Variants in RNF212B observed in about 807,000 individuals in gnomAD.
RNF212B encodes ring finger protein 212B.
In RNF212B, 52 loss-of-function variants were observed where a neutral mutation model predicts 55.5. The ratio of observed to expected loss-of-function variants is 0.94; its 90% CI spans 0.75 to 1.18. The LOEUF (loss-of-function observed/expected upper bound fraction) is 1.18. Among genes scored for constraint, RNF212B ranks in the 50% most tolerant of loss-of-function variants. The pLI, the probability that RNF212B is intolerant of heterozygous loss-of-function variation, is 0.00. For missense variants in RNF212B, 289 were observed against 350.4 expected, an observed-to-expected ratio of 0.82 and a Z score of 1.40; for synonymous variants, 99 against 121.4, an observed-to-expected ratio of 0.82 and a Z score of 1.21.
chr14:23,223,407 G>A (rs1330872799), intron 2 of RNF212B, among the ~76,000 whole-genome samples: 3 of 151,878 alleles, frequency 2.0e-5, no homozygotes, highest in Admixed American at 1.3e-4. Context: ...TCAGGCTGGA[G>A]TGCAGTGATA....
At chr14:23,234,896 T>C (rs1010864646), upstream of RNF212B, among the ~76,000 whole-genome samples, 1 of 152,076 alleles carries the variant, frequency 6.6e-6, no homozygotes, top group African/African-American at 2.4e-5. Flanking sequence ...GGCAACACAG[T>C]GAGACCTTGT....
upstream of RNF212B, among the ~76,000 whole-genome samples, chr14:23,237,423 C>T (rs555152229): frequency 6.6e-6 from 1 of 152,308 alleles, no homozygotes; most frequent in East Asian, 1.9e-4. Context: ...AGCCACCGCC[C>T]CTGGCCAAAA....
chr14:23,219,455 C>T (rs545046872), intron 2 of RNF212B, among the ~76,000 whole-genome samples: 1 of 149,922 alleles, frequency 6.7e-6, no homozygotes, highest in South Asian at 2.1e-4. Flanking sequence ...TGAAGTGTAG[C>T]GCTCTCCTTC....
intron 2 of RNF212B, among the ~76,000 whole-genome samples, chr14:23,212,394 C>T (rs1880609520): frequency 6.6e-6 from 1 of 152,086 alleles, no homozygotes; most frequent in East Asian, 1.9e-4. Flanking sequence ...TGTTTTTACT[C>T]ACAGACGGCA....
chr14:23,200,936 A>T (rs543709209), intron 2 of RNF212B, among the ~76,000 whole-genome samples: 2 of 152,344 alleles, frequency 1.3e-5, no homozygotes, highest in South Asian at 4.1e-4. Flanking sequence ...GAAGCTCACA[A>T]ATAGTTTTCA....
intron 11 of RNF212B, among the ~76,000 whole-genome samples, chr14:23,267,187 G>A (rs898038755): frequency 1.3e-5 from 2 of 151,876 alleles, no homozygotes; most frequent in Non-Finnish European, 2.9e-5. Context: ...TCCCTGTTCT[G>A]CCCTGGCTGG....
At chr14:23,232,132 C>T (rs1882680324) in intron 2 of RNF212B, among the ~76,000 whole-genome samples, 2 of 151,756 alleles carry the variant, frequency 1.3e-5, no homozygotes, top group Admixed American at 6.6e-5. Flanking sequence ...AGCCCCTCTG[C>T]CCGGCTGCCC....
chr14:23,236,910 T>C (rs954333394), upstream of RNF212B, among the ~76,000 whole-genome samples: 2 of 150,716 alleles, frequency 1.3e-5, no homozygotes, highest in South Asian at 4.2e-4. Context: ...TTCATTGTTA[T>C]CTAGAATGCT....
rs570125468 is a variant in RNF212B, at chr14:23,222,397, A to C, written c.-1-17948A>C. 2.0e-5 allele frequency among the ~76,000 whole-genome samples: 3 copies of C among 152,276 alleles called. No individual in the cohort carries two copies. In the South Asian group the frequency reaches 6.2e-4, roughly 32 times the overall value. ...TTGGAAAATCTAGAAGAAATGGATA[A>C]ATTTTTAGACATATACAACCTACCA... On this transcript the variant is annotated intron_variant, in intron 2 of 15. Coordinates refer to the RNF212B transcript ENST00000399910.
rs943712667 is a variant in RNF212B, at chr14:23,196,299, C to T, written c.-2+2898C>T. Among the ~76,000 whole-genome samples the T allele has an allele frequency of 2.6e-5, 4 of 152,110 alleles. No individual in the cohort carries two copies. The East Asian group carries it at 5.8e-4, about 22-fold the overall frequency. On this transcript the variant is annotated intron_variant, in intron 2 of 15. Transcript: ENST00000399910. Reference sequence around the variant, plus strand: ...TTTCTGCTCTTTCTCCAGCCTGCCCCGCTCCGCCATTATCATGCCAAAATG... The same window carrying T: ...TTTCTGCTCTTTCTCCAGCCTGCCCTGCTCCGCCATTATCATGCCAAAATG...
intron 2 of RNF212B, among the ~76,000 whole-genome samples, chr14:23,217,628 C>T (rs1476273808): frequency 6.6e-6 from 1 of 152,080 alleles, no homozygotes; most frequent in African/African-American, 2.4e-5. Flanking sequence ...AGAGTCTCTG[C>T]TTGGTAATCC....
At chr14:23,221,233 GAAAAA>G (rs71119004) in intron 2 of RNF212B, among the ~76,000 whole-genome samples, 4 of 116,110 alleles carry the variant, frequency 3.4e-5, no homozygotes, top group Non-Finnish European at 7.3e-5. Flanking sequence ...CTGAAAATAG[GAAAAA>G]AAAAAAAAAA....
intron 1 of RNF212B, among the ~76,000 whole-genome samples, chr14:23,192,881 C>T (rs912154682): frequency 1.3e-5 from 2 of 151,722 alleles, no homozygotes; most frequent in East Asian, 1.9e-4. Flanking sequence ...CACCTGAGGT[C>T]GGGAGTTTGA....
chr14:23,233,511 A>G (rs1263823735), upstream of RNF212B, among the ~76,000 whole-genome samples: 2 of 145,374 alleles, frequency 1.4e-5, no homozygotes, highest in Non-Finnish European at 3.0e-5. Context: ...GGATCAGTTG[A>G]GCCCAGGAGT....
intron 4 of RNF212B, among the ~76,000 whole-genome samples, chr14:23,246,652 T>A (rs1217599244): frequency 6.6e-6 from 1 of 151,890 alleles, no homozygotes; most frequent in Non-Finnish European, 1.5e-5. Flanking sequence ...GTTCTCAAAC[T>A]CCTGGCCTCA....
At chr14:23,224,199 A>G (rs1344910825) in intron 2 of RNF212B, among the ~76,000 whole-genome samples, 1 of 152,136 alleles carries the variant, frequency 6.6e-6, no homozygotes. Flanking sequence ...AATTCTTATC[A>G]AAATACCGAT....
Position 23,262,713 on chromosome 14 carries a change from T to C in RNF212B, c.481+2T>C. 2 of 1,550,352 alleles carry C rather than the reference T, an allele frequency of 1.3e-6. No individual in the cohort carries two copies. The highest frequency in any genetic ancestry group is 1.7e-6 in the Non-Finnish European group (2 of 1,146,826). ...GCATTACTTCCCCATCACAGTCAGG[T>C]GGAGAACATTTTTCCCCTAAATATC... On this transcript the variant is annotated splice_donor_variant, in intron 8 of 14. Transcript: ENST00000430154. LOFTEE classifies it high-confidence loss of function.
At chr14:23,236,641 T>A (rs191833909), upstream of RNF212B, among the ~76,000 whole-genome samples, 53 of 152,356 alleles carry the variant, frequency 3.5e-4, no homozygotes, top group African/African-American at 6.7e-4. Flanking sequence ...ATAAATATTT[T>A]AAAATTTCTC....
chr14:23,216,448 C>G (rs1166358482), intron 2 of RNF212B, among the ~76,000 whole-genome samples: 2 of 151,498 alleles, frequency 1.3e-5, no homozygotes, highest in Non-Finnish European at 1.5e-5. Flanking sequence ...CCTAACATAT[C>G]AATAAGTACA....
Sources: gnomAD v4.1 joint callset for allele counts (sites outside exome capture counted in the v4.1 genomes callset) on GRCh38, gnomAD v4.1.1 for gene constraint, MANE v1.5 for transcripts, NCBI Gene and HGNC (gene_info 2026-07-23, HGNC 2026-07-21) for gene names.